CLN3: variants seen among roughly 807,000 people sequenced by gnomAD.
CLN3 encodes the protein CLN3 lysosomal/endosomal transmembrane protein, battenin.
Under a neutral mutation model 60.7 loss-of-function variants are expected in CLN3, and 49 were observed. That is an observed-to-expected ratio of 0.81 (90% CI 0.64 to 1.02). CLN3 has a LOEUF of 1.02. Ranked by LOEUF, CLN3 falls within the 50% of genes least tolerant of loss-of-function variation. The pLI is 0.00. For missense variants in CLN3, 516 were observed against 557.4 expected, an observed-to-expected ratio of 0.93 and a Z score of 0.75; for synonymous variants, 256 against 245.8, an observed-to-expected ratio of 1.04 and a Z score of -0.39.
rs386833720 is a variant in CLN3 at position 28,487,491 on chromosome 16, AC to A, written c.424del (p.Val142LeufsTer39). On this transcript the variant is annotated frameshift_variant, in exon 7 of 16. Coordinates refer to ENST00000636147, the MANE Select transcript of CLN3 (RefSeq NM_001042432.2). LOFTEE classifies it high-confidence loss of function. ...GGTCCCCACAGAATGAGAAAAGGCA[AC>A]CAGGACGAAGCTTCCAGCAGCACAA... ...GICAAGSFVL[V>X]AFSHSVGTSL... 8 of 1,613,904 alleles carry A rather than the reference AC, an allele frequency of 5.0e-6. No individual in the cohort carries two copies. The highest frequency in any genetic ancestry group is 1.6e-4 in the Middle Eastern group (1 of 6,082).
At chr16:28,478,762 C>T (rs945967230) in intron 14 of CLN3, among the ~76,000 whole-genome samples, 1 of 152,044 alleles carries the variant, frequency 6.6e-6, no homozygotes, top group African/African-American at 2.4e-5. Flanking sequence ...TATGGCAGCG[C>T]ATTTAGCAGG....
At chr16:28,487,409 A>C (rs2046237300) in intron 7 of CLN3, 47 bp downstream of exon 7, 1 of 1,445,380 alleles carries the variant, frequency 6.9e-7, no homozygotes, top group Non-Finnish European at 9.7e-7. Context: ...AAATGCTCTG[A>C]TGTGGTTCCT....
chr16:28,491,613 G>A, intron 2 of CLN3, 53 bp from the exon 3 acceptor site: 1 of 1,613,378 alleles, frequency 6.2e-7, no homozygotes, highest in Non-Finnish European at 8.5e-7. Context: ...GTGCACGACC[G>A]CTCCTTGCGT....
chr16:28,491,275 G>A (rs1355468493), intron 3 of CLN3, among the ~76,000 whole-genome samples: 2 of 152,226 alleles, frequency 1.3e-5, no homozygotes, highest in Non-Finnish European at 2.9e-5. Flanking sequence ...CCTACAGGTG[G>A]TAGGTATGAG....
Position 28,486,501 on chromosome 16 carries a change from G to A in CLN3, c.534-11C>T. 4 of 1,611,224 alleles carry A rather than the reference G, an allele frequency of 2.5e-6. No homozygotes were observed. The highest frequency in any genetic ancestry group is 3.4e-6 in the Non-Finnish European group (4 of 1,178,774). On this transcript the variant is annotated splice_polypyrimidine_tract_variant and intron_variant, in intron 8 of 15. Coordinates refer to ENST00000636147, the MANE Select transcript of CLN3 (RefSeq NM_001042432.2). ...CAGGAGATCACGGCCCTGGGAAGGA[G>A]AACACAGGAACATTCAGGAGGACCT...
chr16:28,487,378 G>A (rs2046236974), intron 7 of CLN3, 78 bp downstream of exon 7: 2 of 1,168,746 alleles, frequency 1.7e-6, no homozygotes, highest in South Asian at 2.4e-5. Flanking sequence ...TCCTCTGGGA[G>A]GCTGGGGAGA....
At chr16:28,468,660 A>T in the CLN3 span, among the ~76,000 whole-genome samples, 1 of 146,060 alleles carries the variant, frequency 6.8e-6, no homozygotes, top group Admixed American at 7.1e-5. Flanking sequence ...ACAAAAAATT[A>T]GCAGGGCATG....
chr16:28,485,571 C>CAA (rs67148714), intron 9 of CLN3, among the ~76,000 whole-genome samples: 255 of 11,752 alleles, frequency 0.022, 68 homozygotes, highest in Non-Finnish European at 0.029. Flanking sequence ...GACTCCGTCT[C>CAA]AAAAAAAAAA....
rs1596618820 is a variant in CLN3, at chr16:28,477,355, C to A, written c.*161G>T. On this transcript the variant is annotated 3_prime_UTR_variant, in exon 16 of 16. Coordinates refer to ENST00000636147, the MANE Select transcript of CLN3 (RefSeq NM_001042432.2). ...TCCCCAAGTGGGAGACAATGGCTGG[C>A]CCCCCTGCAAGGGAAACAAGGCTTC... The A allele has an allele frequency of 7.8e-6, 7 of 894,896 alleles. No homozygotes were observed. In the African/African-American group the frequency reaches 8.2e-5, roughly 11 times the overall value. 55.4% of individuals were successfully genotyped at this position (894,896 alleles called of 1,614,324 possible).
Position 28,486,435 on chromosome 16 carries a change from G to A in CLN3, c.589C>T (p.Leu197=), listed in dbSNP as rs753705869. The change falls in exon 9 of 16, where the codon CTG becomes TTG. Residue 197 remains leucine, a synonymous_variant. Transcript: ENST00000636147. ...GTGGAGLLGA[L]SYLGLTQAGL... is the part of the protein sequence containing the mutation. ...GCCTGGGTGAGGCCCAGGTAGGACA[G>A]GGCCCCCAGCAGCCCAGCTCCCCCA... 3.1e-6 allele frequency: 5 copies of A among 1,613,294 alleles called. 1 individual carries two copies. Among genetic ancestry groups the A allele is most frequent in the Non-Finnish European group, 4.2e-6 (5 of 1,179,878 alleles).
rs1567254016 is a variant in CLN3, at chr16:28,477,814, CGAGGTAGAT to C, written c.1111_1119del (p.Ile371_Leu373del). 6.2e-7 allele frequency: 1 copy of C among 1,614,168 alleles called. No homozygotes were observed. Among genetic ancestry groups the C allele is most frequent in the East Asian group, 2.2e-5 (1 of 44,888 alleles). On this transcript the variant is annotated inframe_deletion, in exon 15 of 16. Coordinates refer to ENST00000636147, the MANE Select transcript of CLN3 (RefSeq NM_001042432.2). ...CCCTCATACAGAATGATCAGGAAGA[CGAGGTAGAT>C]GCTTGGCAGAAAGCCGAACCACACG...
rs1264449890 is a variant in CLN3 at position 28,477,531 on chromosome 16, G to T, written c.1302C>A (p.Leu434=). 6.2e-7 allele frequency: 1 copy of T among 1,613,704 alleles called. No homozygotes were observed. Among genetic ancestry groups the T allele is most frequent in the African/African-American group, 1.3e-5 (1 of 75,072 alleles). The change falls in exon 16 of 16, where the codon CTC becomes CTA. Residue 434 remains leucine (L), a synonymous_variant. Coordinates refer to ENST00000636147, the MANE Select transcript of CLN3 (RefSeq NM_001042432.2). ...GLLALPLHDF[L]CQLS is the part of the protein sequence containing the mutation. ...ATCCCGAGTATCAGGAGAGCTGGCA[G>T]AGGAAGTCATGCAGAGGCAAAGCCA...
rs766238150 is a variant in CLN3, at chr16:28,478,617, T to TAAAAAAAA, written c.1057-748_1057-741dup. 1.4e-3 allele frequency among the ~76,000 whole-genome samples: 107 copies of TAAAAAAAA among 74,346 alleles called. 10 individuals are homozygous for TAAAAAAAA. The highest frequency in any genetic ancestry group is 7.2e-3 in the African/African-American group (94 of 13,094). 48.8% of individuals were successfully genotyped at this position (74,346 alleles called of 152,430 possible). Reference sequence around the variant, plus strand: ...GGTGACAGAGCAAGATCCTGTCTCATAAAAAAAAAAAAAAAAAAAAAAAAA... The same window carrying TAAAAAAAA: ...GGTGACAGAGCAAGATCCTGTCTCATAAAAAAAAAAAAAAAAAAAAAAAAAAAAAAAAA... On this transcript the variant is annotated intron_variant, in intron 14 of 15. Coordinates refer to ENST00000636147, the MANE Select transcript of CLN3 (RefSeq NM_001042432.2).
At chr16:28,478,126 A>G (rs897414594) in intron 14 of CLN3, among the ~76,000 whole-genome samples, 1 of 151,196 alleles carries the variant, frequency 6.6e-6, no homozygotes, top group African/African-American at 2.4e-5. Context: ...TCTACTAAAC[A>G]TGGTAAAACC....
chr16:28,480,826 C>T (rs2046077149), intron 14 of CLN3, among the ~76,000 whole-genome samples: 1 of 152,194 alleles, frequency 6.6e-6, no homozygotes, highest in East Asian at 1.9e-4. Context: ...TTATATGAAA[C>T]TCCTTTTATT....
chr16:28,485,933 G>T (rs1405941696), intron 9 of CLN3, among the ~76,000 whole-genome samples: 1 of 151,786 alleles, frequency 6.6e-6, no homozygotes, highest in East Asian at 1.9e-4. Flanking sequence ...TCCAGATTCC[G>T]CCTCCCTTCA....
Position 28,477,885 on chromosome 16 carries a change from CA to C in CLN3, c.1057-9del, listed in dbSNP as rs1288269632. On this transcript the variant is annotated splice_polypyrimidine_tract_variant and intron_variant, in intron 14 of 15. Transcript: ENST00000636147. ...GAACACCAGGTTGAGGCACTGTGAA[CA>C]GGGGGAGAGGCTAAGCCTGGGACCA... The C allele has an allele frequency of 1.2e-6, 2 of 1,613,440 alleles. No homozygotes were observed. Among genetic ancestry groups the C allele is most frequent in the African/African-American group, 1.3e-5 (1 of 74,752 alleles).
chr16:28,491,392 T>C (rs915385889), intron 3 of CLN3, 90 bp downstream of exon 3: 124 of 1,526,310 alleles, frequency 8.1e-5, no homozygotes, highest in Non-Finnish European at 9.8e-6. Context: ...TTCAGCTCCT[T>C]TGCGCAGCTT....
At chr16:28,487,829 A>T (rs1834659889) in intron 5 of CLN3, 88 bp from the exon 6 acceptor site, 1 of 1,027,494 alleles carries the variant, frequency 9.7e-7, no homozygotes, top group East Asian at 2.6e-5. Flanking sequence ...GAGCTGGCCA[A>T]ACAGGCCTGC....
Sources: gnomAD v4.1 joint callset for allele counts (sites outside exome capture counted in the v4.1 genomes callset) on GRCh38, gnomAD v4.1.1 for gene constraint, MANE v1.5 for transcripts, NCBI Gene and HGNC (gene_info 2026-07-23, HGNC 2026-07-21) for gene names.